Variants in BMPER observed in about 807,000 individuals in gnomAD.
The protein encoded by BMPER is BMP-binding endothelial regulator protein.
Under a neutral mutation model 87.3 loss-of-function variants are expected in BMPER, and 45 were observed. The ratio of observed to expected loss-of-function variants is 0.52; its 90% CI spans 0.41 to 0.66. BMPER has a LOEUF of 0.66. BMPER is among the 30% of genes least tolerant of loss of function. The pLI, the probability that BMPER is intolerant of heterozygous loss-of-function variation, is 0.00. For synonymous variants in BMPER, 326 were observed against 316.2 expected (o/e 1.03, Z -0.33); for missense variants, 784 against 867.5 (o/e 0.90, Z 1.21).
chr7:34,135,963 C>T (rs1437353374), intron 13 of BMPER, among the ~76,000 whole-genome samples: 1 of 152,164 alleles, frequency 6.6e-6, no homozygotes, highest in Non-Finnish European at 1.5e-5. Context: ...TTCCAGGTAT[C>T]CTCCTGCCCT....
chr7:34,048,147 T>C (rs571539457), intron 7 of BMPER, among the ~76,000 whole-genome samples: 1 of 152,218 alleles, frequency 6.6e-6, no homozygotes, highest in Non-Finnish European at 1.5e-5. Flanking sequence ...TCTTCAACTC[T>C]GAAACAACCT....
chr7:34,141,338 AGT>A (rs1183810254), intron 13 of BMPER, among the ~76,000 whole-genome samples: 1 of 152,154 alleles, frequency 6.6e-6, no homozygotes, highest in East Asian at 1.9e-4. Flanking sequence ...AGCCAGGCAC[AGT>A]GGCTCATGCT....
intron 6 of BMPER, among the ~76,000 whole-genome samples, chr7:34,004,761 G>A (rs996023885): frequency 1.3e-5 from 2 of 152,132 alleles, no homozygotes; most frequent in Admixed American, 6.6e-5. Context: ...AAAGGGCTCT[G>A]TATGAGGGGC....
At chr7:33,962,693 C>G (rs1785300753) in intron 3 of BMPER, among the ~76,000 whole-genome samples, 1 of 152,138 alleles carries the variant, frequency 6.6e-6, no homozygotes, top group South Asian at 2.1e-4. Flanking sequence ...CATTACCACA[C>G]CTCCCGCTGC....
intron 3 of BMPER, 83 bp downstream of exon 3, chr7:33,937,471 C>A: frequency 7.0e-7 from 1 of 1,430,090 alleles, no homozygotes; most frequent in South Asian, 1.2e-5. Context: ...CCTTTTCACT[C>A]AGCTTTTGGC....
chr7:33,935,317 A>G (rs1202466908), intron 2 of BMPER, among the ~76,000 whole-genome samples: 4 of 152,068 alleles, frequency 2.6e-5, no homozygotes. Context: ...TGGCCACAGA[A>G]ATACTCTCCC....
chr7:33,989,366 G>A (rs1204689253), intron 6 of BMPER, among the ~76,000 whole-genome samples: 2 of 152,028 alleles, frequency 1.3e-5, no homozygotes, highest in African/African-American at 4.8e-5. Flanking sequence ...CTGATGGCCA[G>A]TGATGATGAG....
At chr7:33,923,390 G>A (rs1300880871) in intron 2 of BMPER, among the ~76,000 whole-genome samples, 3 of 152,180 alleles carry the variant, frequency 2.0e-5, no homozygotes, top group Admixed American at 2.0e-4. Flanking sequence ...GCCCTCTTCT[G>A]TGGGGACATT....
chr7:33,970,564 A>G (rs1263496467), intron 5 of BMPER, 145 bp downstream of exon 5: 28 of 863,130 alleles, frequency 3.2e-5, no homozygotes, highest in Non-Finnish European at 5.1e-5. Flanking sequence ...TTTGCATAGA[A>G]ATATCCGCTT....
chr7:34,125,911 G>A (rs1790389747), intron 13 of BMPER, among the ~76,000 whole-genome samples: 1 of 152,138 alleles, frequency 6.6e-6, no homozygotes, highest in African/African-American at 2.4e-5. Context: ...CCAATTAATG[G>A]GAGTGGGAGC....
intron 3 of BMPER, 125 bp downstream of exon 3, chr7:33,937,513 G>GGGGTGTGTGT (rs1554298268): frequency 2.3e-5 from 17 of 734,484 alleles, no homozygotes; most frequent in African/African-American, 1.6e-4. Context: ...GGAGAAGTAG[G>GGGGTGTGTGT]GTGTGTGTGT....
intron 3 of BMPER, among the ~76,000 whole-genome samples, chr7:33,949,113 A>C (rs1784958884): frequency 6.6e-6 from 1 of 152,134 alleles, no homozygotes; most frequent in Admixed American, 6.5e-5. Flanking sequence ...GGCTTTTCTT[A>C]CTAATTGTCC....
intron 11 of BMPER, among the ~76,000 whole-genome samples, chr7:34,068,917 T>A (rs567308579): frequency 2.6e-5 from 4 of 152,224 alleles, no homozygotes; most frequent in African/African-American, 7.2e-5. Context: ...TGCATATTTT[T>A]AAAAATCTCC....
At chr7:34,018,916 A>G (rs1459998975) in intron 6 of BMPER, among the ~76,000 whole-genome samples, 2 of 152,018 alleles carry the variant, frequency 1.3e-5, no homozygotes, top group African/African-American at 4.8e-5. Flanking sequence ...GCTTGCCTTG[A>G]TTCAGAGTGG....
intron 14 of BMPER, among the ~76,000 whole-genome samples, chr7:34,146,055 A>G (rs1237592822): frequency 6.6e-6 from 1 of 152,036 alleles, no homozygotes; most frequent in East Asian, 1.9e-4. Context: ...ACACACACAT[A>G]CACACACGCA....
At chr7:34,139,384 T>A (rs1481251918) in intron 13 of BMPER, among the ~76,000 whole-genome samples, 2 of 152,234 alleles carry the variant, frequency 1.3e-5, no homozygotes, top group African/African-American at 4.8e-5. Flanking sequence ...TTCTTTACTT[T>A]CCCACTATCA....
intron 6 of BMPER, among the ~76,000 whole-genome samples, chr7:34,006,531 G>C (rs1786738023): frequency 6.6e-6 from 1 of 152,062 alleles, no homozygotes; most frequent in Admixed American, 6.6e-5. Context: ...GTGTACTCCA[G>C]AAGTCAAAAT....
intron 2 of BMPER, among the ~76,000 whole-genome samples, chr7:33,917,742 G>A (rs1784120100): frequency 2.0e-5 from 3 of 152,304 alleles, no homozygotes; most frequent in Non-Finnish European, 4.4e-5. Context: ...AACAACTCTT[G>A]TATGCTTGGT....
chr7:33,966,727 G>A (rs958436441), intron 4 of BMPER, among the ~76,000 whole-genome samples, 166 bp downstream of exon 4: 12 of 152,156 alleles, frequency 7.9e-5, no homozygotes, highest in African/African-American at 2.9e-4. Context: ...TCACCATAAC[G>A]AGACAGGTGC....
Sources: allele counts gnomAD v4.1 joint callset (sites outside exome capture counted in the v4.1 genomes callset), GRCh38; gene constraint gnomAD v4.1.1; transcripts MANE v1.5; gene names NCBI Gene and HGNC (gene_info 2026-07-23, HGNC 2026-07-21).